ZNF90: variants seen among roughly 807,000 people sequenced by gnomAD.
ZNF90 encodes the protein zinc finger protein HTF9.
A neutral mutation model predicts 12.0 loss-of-function variants in ZNF90; 11 were observed. That is an observed-to-expected ratio of 0.92 (90% CI 0.58 to 1.52). ZNF90 has a LOEUF of 1.52. ZNF90 is among the 40% of genes most tolerant of loss of function. The pLI is 0.00. For synonymous variants in ZNF90, 232 were observed against 240.1 expected (o/e 0.97, Z 0.31); for missense variants, 765 against 711.5 (o/e 1.08, Z -0.86).
intron 1 of ZNF90, chr19:20,079,937 C>CTTTTT: frequency 4.6e-5 from 15 of 322,744 alleles, no homozygotes; most frequent in East Asian, 9.0e-5. Flanking sequence ...CGTATTTCCT[C>CTTTTT]TTTTTTTTTT....
At chr19:20,094,118 C>T (rs2088923990) in intron 1 of ZNF90, among the ~76,000 whole-genome samples, 1 of 152,234 alleles carries the variant, frequency 6.6e-6, no homozygotes, top group Non-Finnish European at 1.5e-5. Flanking sequence ...TGTAGGAATG[C>T]TTGACTGCTG....
chr19:20,082,933 C>CAT (rs1568281657), intron 1 of ZNF90, among the ~76,000 whole-genome samples: 64 of 152,002 alleles, frequency 4.2e-4, no homozygotes, highest in African/African-American at 1.5e-3. Context: ...GGAGGTGAGA[C>CAT]GTGCTGGTGG....
In ZNF90 at chr19:20,083,803, T is replaced by A. The variant is rs193151942; in HGVS notation, c.3+5668T>A. On this transcript the variant is annotated intron_variant, in intron 1 of 3. Coordinates refer to ENST00000418063, the MANE Select transcript of ZNF90 (RefSeq NM_007138.2). ...TTACTTATTGTTCAGGCTAGAGTGC[T>A]GTGGCATGATACTGACATACATTAG... Among the ~76,000 whole-genome samples the A allele has an allele frequency of 8.7e-4, 132 of 152,344 alleles. 1 individual carries two copies. Among genetic ancestry groups the A allele is most frequent in the African/African-American group, 3.1e-3 (130 of 41,586 alleles).
chr19:20,107,776 T>C (rs1225708994), intron 3 of ZNF90, among the ~76,000 whole-genome samples: 3 of 152,220 alleles, frequency 2.0e-5, no homozygotes, highest in Non-Finnish European at 4.4e-5. Context: ...GTTTCAGATA[T>C]TTAGGACAAT....
At chr19:20,088,187 G>A (rs1207764014) in intron 1 of ZNF90, among the ~76,000 whole-genome samples, 2 of 151,952 alleles carry the variant, frequency 1.3e-5, no homozygotes. Context: ...GTGTTGAAGT[G>A]TTGGGGCGGC....
In ZNF90 at chr19:20,120,705, AATCCAC is replaced by A. The variant is rs2089187743; in HGVS notation, c.*1347_*1352del. On this transcript the variant is annotated 3_prime_UTR_variant, in exon 4 of 4. Transcript: ENST00000418063. ...TAAAACAGTGTTGAGTATAAAAAAG[AATCCAC>A]AACAAAAATTGTTAGATAAATTATA... The A allele has an allele frequency of 1.3e-5, 2 of 152,246 alleles. No homozygotes were observed. Among genetic ancestry groups the A allele is most frequent in the African/African-American group, 2.4e-5 (1 of 41,472 alleles). 9.4% of individuals were successfully genotyped at this position (152,246 alleles called of 1,614,324 possible). A position where few individuals can be genotyped will look rare whatever the true frequency, so the allele number is the denominator to read the frequency against.
rs1321104598 is a variant in ZNF90, at chr19:20,120,190, G to A, written c.*830G>A. ...AAAGCTAGTATCCTTGAGAAAAATTGCACAATTATAAAAAATATGGAAAAC... is the reference window on the plus strand; with the variant it reads ...AAAGCTAGTATCCTTGAGAAAAATTACACAATTATAAAAAATATGGAAAAC... On this transcript the variant is annotated 3_prime_UTR_variant, in exon 4 of 4. Transcript: ENST00000418063. Among the ~76,000 whole-genome samples, 1 of 152,124 alleles carries A rather than the reference G, an allele frequency of 6.6e-6. No individual in the cohort carries two copies. Among genetic ancestry groups the A allele is most frequent in the Non-Finnish European group, 1.5e-5 (1 of 68,030 alleles).
intron 1 of ZNF90, among the ~76,000 whole-genome samples, chr19:20,095,904 G>A (rs868921496): frequency 3.3e-5 from 5 of 152,312 alleles, no homozygotes; most frequent in Middle Eastern, 6.8e-3. Flanking sequence ...AAGGACCAAG[G>A]CAGGTGTCCC....
chr19:20,078,667 A>G (rs2088796424), intron 1 of ZNF90, among the ~76,000 whole-genome samples: 1 of 151,958 alleles, frequency 6.6e-6, no homozygotes, highest in African/African-American at 2.4e-5. Flanking sequence ...GAAAAGTTGT[A>G]AATCACCCCT....
At chr19:20,111,119 T>C (rs1369747735) in intron 3 of ZNF90, among the ~76,000 whole-genome samples, 6 of 152,168 alleles carry the variant, frequency 3.9e-5, no homozygotes, top group African/African-American at 1.4e-4. Flanking sequence ...TTTTCCTATA[T>C]TTTTTTGAAA....
intron 3 of ZNF90, among the ~76,000 whole-genome samples, chr19:20,116,370 A>C (rs1204992782): frequency 1.3e-5 from 2 of 152,070 alleles, no homozygotes; most frequent in African/African-American, 4.8e-5. Context: ...GGGTTTCACC[A>C]TGTTCTCTAG....
intron 1 of ZNF90, among the ~76,000 whole-genome samples, chr19:20,090,524 C>T (rs1215446639): frequency 6.6e-6 from 1 of 152,070 alleles, no homozygotes; most frequent in Non-Finnish European, 1.5e-5. Context: ...GGACGGCAGT[C>T]GGGGACTATA....
intron 3 of ZNF90, among the ~76,000 whole-genome samples, chr19:20,113,423 C>T (rs2089107791): frequency 6.6e-6 from 1 of 152,036 alleles, no homozygotes; most frequent in African/African-American, 2.4e-5. Flanking sequence ...GAACTCCTGA[C>T]CTCAGGTGAT....
At chr19:20,100,070 T>C (rs1302507321) in intron 1 of ZNF90, among the ~76,000 whole-genome samples, 3 of 152,090 alleles carry the variant, frequency 2.0e-5, no homozygotes, top group Non-Finnish European at 4.4e-5. Context: ...GAAATGATTA[T>C]AGAAAGACCC....
At chr19:20,081,408 C>G (rs1427404650) in intron 1 of ZNF90, among the ~76,000 whole-genome samples, 2 of 152,152 alleles carry the variant, frequency 1.3e-5, no homozygotes, top group Non-Finnish European at 2.9e-5. Context: ...ACGCTGGTCT[C>G]AAAATCCTGA....
At chr19:20,107,491 T>C (rs2089050126) in intron 3 of ZNF90, among the ~76,000 whole-genome samples, 1 of 152,198 alleles carries the variant, frequency 6.6e-6, no homozygotes, top group Admixed American at 6.5e-5. Context: ...GAGGCCCTTA[T>C]TTTGGAATGG....
At position 20,119,291 on chromosome 19, in the gene ZNF90, C is replaced by T; in HGVS notation, c.1737C>T (p.Asp579=). The change falls in exon 4 of 4, where the codon GAC becomes GAT. Residue 579 remains aspartate (D), a synonymous_variant. Transcript: ENST00000418063. ...GCAAAGCTTTTAACTTGTCCTCAGA[C>T]CTTAATACACATAAGAGGATTCATA... The part of the protein sequence containing the change: ...ECGKAFNLSS[D]LNTHKRIHIG... 6.2e-7 allele frequency: 1 copy of T among 1,612,634 alleles called. No individual in the cohort carries two copies. Among genetic ancestry groups the T allele is most frequent in the Non-Finnish European group, 8.5e-7 (1 of 1,179,344 alleles).
intron 1 of ZNF90, among the ~76,000 whole-genome samples, chr19:20,097,661 C>T (rs564039145): frequency 6.6e-6 from 1 of 152,202 alleles, no homozygotes; most frequent in South Asian, 2.1e-4. Flanking sequence ...GCCACTCCAT[C>T]CATTCTTGCC....
At chr19:20,095,687 AGAGAT>A (rs2088939423) in intron 1 of ZNF90, among the ~76,000 whole-genome samples, 1 of 151,886 alleles carries the variant, frequency 6.6e-6, no homozygotes, top group African/African-American at 2.4e-5. Flanking sequence ...CACAGAGATA[AGAGAT>A]AAGAGATTGG....
Sources: gnomAD v4.1 joint callset for allele counts (sites outside exome capture counted in the v4.1 genomes callset) on GRCh38, gnomAD v4.1.1 for gene constraint, MANE v1.5 for transcripts, NCBI Gene and HGNC (gene_info 2026-07-23, HGNC 2026-07-21) for gene names.